The following TBC1D9B variants were observed in gnomAD, a reference collection of about 807,000 sequenced individuals.
TBC1D9B encodes the protein TBC1 domain family member 9B.
In TBC1D9B, 87 loss-of-function variants were observed where a neutral mutation model predicts 121.1. That is an observed-to-expected ratio of 0.72 (90% CI 0.60 to 0.86). The LOEUF is 0.86. Ranked by LOEUF, TBC1D9B falls within the 40% of genes least tolerant of loss-of-function variation. The probability of loss-of-function intolerance (pLI) is 0.00; values close to 1 mark genes in which losing one functional copy is unlikely to be tolerated. For synonymous variants in TBC1D9B, 668 were observed against 670.1 expected, an observed-to-expected ratio of 1.00 and a Z score of 0.05; for missense variants, 1,540 against 1,628.6, an observed-to-expected ratio of 0.95 and a Z score of 0.94.
intron 5 of TBC1D9B, among the ~76,000 whole-genome samples, chr5:179,892,348 T>C (rs1437122106): frequency 6.6e-6 from 1 of 152,188 alleles, no homozygotes; most frequent in East Asian, 1.9e-4. Context: ...GTCCTGGAGG[T>C]GGACCCCAGA....
Position 179,907,522 on chromosome 5 carries a change from G to A in TBC1D9B, c.118+182C>T, listed in dbSNP as rs1406637699. ...GCCAGCCCCTCGCCTCCCCGCCCCG[G>A]CCCCTCCGCGCCCGGCTCCCGGGTC... On this transcript the variant is annotated intron_variant, in intron 1 of 20. Coordinates refer to ENST00000355235, the MANE Select transcript of TBC1D9B (RefSeq NM_015043.4). The surrounding 1 kb of genome is among the most constrained non-coding windows in gnomAD (Gnocchi z 5.3). 6.7e-6 allele frequency among the ~76,000 whole-genome samples: 1 copy of A among 149,802 alleles called. No homozygotes were observed. The highest frequency in any genetic ancestry group is 1.5e-5 in the Non-Finnish European group (1 of 67,274).
rs377386793 is a variant in TBC1D9B, at chr5:179,875,162, G to A, written c.1926C>T (p.Phe642=). The A allele has an allele frequency of 3.8e-5, 61 of 1,613,436 alleles. No homozygotes were observed. Among genetic ancestry groups the A allele is most frequent in the Non-Finnish European group, 4.7e-5 (56 of 1,180,028 alleles). The change falls in exon 12 of 21, where the codon TTC becomes TTT. Residue 642 remains phenylalanine, a synonymous_variant. Coordinates refer to ENST00000355235, the MANE Select transcript of TBC1D9B (RefSeq NM_015043.4). The surrounding 1 kb of genome is among the most constrained non-coding windows in gnomAD (Gnocchi z 4.5). ...VVGALVDQGI[F]EELTRDFLPQ... is the part of the protein sequence containing the mutation. ...GCAGGAAGTCTCTCGTGAGCTCTTC[G>A]AAGATGCCTTGGTCCACCAGGGCTC...
intron 18 of TBC1D9B, 171 bp downstream of exon 18, chr5:179,867,607 C>CA (rs1248910377): frequency 3.8e-5 from 56 of 1,484,532 alleles, no homozygotes; most frequent in Non-Finnish European, 5.2e-5. Flanking sequence ...GGGGCGGCCC[C>CA]AGCCCCCGCC....
rs989441048 is a variant in TBC1D9B, at chr5:179,875,905, C to T, written c.1900+15G>A. On this transcript the variant is annotated intron_variant, in intron 11 of 20. Coordinates refer to ENST00000355235, the MANE Select transcript of TBC1D9B (RefSeq NM_015043.4). This position sits in a 1 kb window ranked among gnomAD's most constrained non-coding sequence, Gnocchi z 4.5. ...ACCTGGAGACCCAGGCGAGGCAGCA[C>T]CCGGGGACACTCACCCACCACCCTG... 23 of 1,592,752 alleles carry T rather than the reference C, an allele frequency of 1.4e-5. No individual in the cohort carries two copies. The highest frequency in any genetic ancestry group is 2.0e-5 in the Non-Finnish European group (23 of 1,170,278).
chr5:179,869,526 G>A lies in TBC1D9B; in HGVS notation c.2791+243C>T, dbSNP rs923981555. 2.4e-5 allele frequency: 16 copies of A among 666,466 alleles called. No individual in the cohort carries two copies. The Admixed American group carries it at 2.7e-4, about 11-fold the overall frequency. 41.3% of individuals were successfully genotyped at this position (666,466 alleles called of 1,614,324 possible). On this transcript the variant is annotated intron_variant, in intron 17 of 20. Transcript: ENST00000355235. ...CAGCTGCCTCCTCGGTGGGAGTTCT[G>A]TACCCAGCAGTGCCCGGTCACCCAT...
In TBC1D9B at chr5:179,878,494, CG is replaced by C; in HGVS notation, c.1596del (p.Tyr534ThrfsTer47). On this transcript the variant is annotated frameshift_variant, in exon 10 of 21. Transcript: ENST00000355235. LOFTEE classifies it high-confidence loss of function. Reference protein sequence around the residue: ...SGAWNEMVTHPGYYAELVEKS... With the variant: ...SGAWNEMVTHXGYYAELVEKS... ...TTCTCCACCAGCTCAGCATAGTACC[CG>C]GGGTGAGTCACCATCTCATTCCAGG... 6.2e-7 allele frequency: 1 copy of C among 1,609,174 alleles called. No individual in the cohort carries two copies.
In TBC1D9B at chr5:179,892,560, G is replaced by T. The variant is rs992874891; in HGVS notation, c.836+649C>A. Among the ~76,000 whole-genome samples the T allele has an allele frequency of 9.2e-5, 14 of 152,348 alleles. No homozygotes were observed. The South Asian group carries it at 2.3e-3, about 25-fold the overall frequency. On this transcript the variant is annotated intron_variant, in intron 5 of 20. Transcript: ENST00000355235. ...AACGTTAAGTAGCCCGGGAGGGCTG[G>T]CTGCTATGATGTGTTCCTGCCTATC...
chr5:179,900,900 C>A (rs1298643827), intron 2 of TBC1D9B, among the ~76,000 whole-genome samples: 1 of 152,196 alleles, frequency 6.6e-6, no homozygotes, highest in Non-Finnish European at 1.5e-5. Flanking sequence ...CACCTTCCTT[C>A]CCTCCCTGAC....
Position 179,904,778 on chromosome 5 carries a change from G to C in TBC1D9B, c.153C>G (p.Asp51Glu). The C allele has an allele frequency of 6.4e-7, 1 of 1,574,082 alleles. No homozygotes were observed. The change falls in exon 2 of 21, where the codon GAC (aspartate) becomes GAG (glutamate). Residue 51 changes from aspartate (D) to glutamate (E), a missense_variant. Physicochemically the swap from Asp to Glu is conservative, Grantham distance 45 (BLOSUM62 2). Coordinates refer to ENST00000355235, the MANE Select transcript of TBC1D9B (RefSeq NM_015043.4). The surrounding 1 kb of genome is among the most constrained non-coding windows in gnomAD (Gnocchi z 4.2). ...LLVGTLDVVL[D>E]SSARVAPYRI... ...GGTAAGGGGCCACGCGGGCACTGGAGTCCAGCACCACGTCCAGGGTGCCCA... is the reference window on the plus strand; with the variant it reads ...GGTAAGGGGCCACGCGGGCACTGGACTCCAGCACCACGTCCAGGGTGCCCA...
Position 179,863,321 on chromosome 5 carries a change from A to T in TBC1D9B, c.*127T>A. The T allele has an allele frequency of 8.9e-7, 1 of 1,129,034 alleles. No homozygotes were observed. The highest frequency in any genetic ancestry group is 1.6e-5 in the South Asian group (1 of 62,348). 69.9% of individuals were successfully genotyped at this position (1,129,034 alleles called of 1,614,324 possible). ...TGCACCAGCCTTCTTTCCACTCACA[A>T]CTCACTGCTCCTGGGAGAGCAGGAG... is the stretch of plus-strand genomic sequence containing the variant. On this transcript the variant is annotated 3_prime_UTR_variant, in exon 21 of 21. Coordinates refer to ENST00000355235, the MANE Select transcript of TBC1D9B (RefSeq NM_015043.4). This position sits in a 1 kb window ranked among gnomAD's most constrained non-coding sequence, Gnocchi z 4.5.
At position 179,894,392 on chromosome 5, in the gene TBC1D9B, T is replaced by C. The variant is rs1582099970; in HGVS notation, c.571A>G (p.Lys191Glu). ...HLCFYSFLLG[K>E]EVSLVVQWVD... The stretch of plus-strand genomic sequence containing the variant: ...CACTGAGGGGCGGGCTCACCTTCCT[T>C]CCCCAGCAGGAAGGAGTAGAAGCAC... The change falls in exon 4 of 21, where the codon AAG becomes GAG. Residue 191 changes from lysine to glutamate, a missense_variant. Lys to Glu is a moderately conservative substitution (Grantham distance 56, BLOSUM62 1). Transcript: ENST00000355235. 1.9e-6 allele frequency: 3 copies of C among 1,612,194 alleles called. No individual in the cohort carries two copies. Among genetic ancestry groups the C allele is most frequent in the Non-Finnish European group, 2.5e-6 (3 of 1,179,212 alleles).
rs1268818326 is a variant in TBC1D9B at position 179,907,807 on chromosome 5, C to T, written c.15G>A (p.Pro5=). ...GCGCATTGGCCACCAGCACCTCCTC[C>T]GGGCTCAGCCACATCGCGGAGCCGC... MWLS[P]EEVLVANALW... is the part of the protein sequence containing the mutation. Residue 5 remains proline (P), a synonymous_variant, in exon 1 of 21, where the codon CCG becomes CCA. Coordinates refer to ENST00000355235, the MANE Select transcript of TBC1D9B (RefSeq NM_015043.4). The surrounding 1 kb of genome is among the most constrained non-coding windows in gnomAD (Gnocchi z 5.3). The T allele has an allele frequency of 2.5e-6, 3 of 1,196,096 alleles. No individual in the cohort carries two copies. The highest frequency in any genetic ancestry group is 6.0e-5 in the Admixed American group (2 of 33,600). The allele number at this position is 1,196,096 out of a possible 1,614,324, so 74.1% of individuals were successfully genotyped here. A position where few individuals can be genotyped will look rare whatever the true frequency, so the allele number is the denominator to read the frequency against.
rs756063832 is a variant in TBC1D9B, at chr5:179,878,544, G to C, written c.1568-21C>G. ...GGCCCCTGGGGAGACACGGGTGCCA[G>C]CTGTCTCTGTCCTTCTTCTGGTACT... On this transcript the variant is annotated intron_variant, in intron 9 of 20. Coordinates refer to ENST00000355235, the MANE Select transcript of TBC1D9B (RefSeq NM_015043.4). The C allele has an allele frequency of 3.8e-6, 6 of 1,575,090 alleles. No homozygotes were observed. The South Asian group carries it at 5.8e-5, about 15-fold the overall frequency.
chr5:179,878,681 G>A (rs1046015919), intron 9 of TBC1D9B, among the ~76,000 whole-genome samples, 158 bp from the exon 10 acceptor site: 3 of 152,216 alleles, frequency 2.0e-5, no homozygotes, highest in Non-Finnish European at 4.4e-5. Context: ...CTCCTGGGGA[G>A]GGTGCTCTAC....
intron 4 of TBC1D9B, 128 bp downstream of exon 4, chr5:179,894,258 C>T: frequency 1.1e-6 from 1 of 887,742 alleles, no homozygotes; most frequent in Non-Finnish European, 1.7e-6. Flanking sequence ...CCATCTTGGG[C>T]CGCTAAGGTG....
rs1761186370 is a variant in TBC1D9B at position 179,902,290 on chromosome 5, C to T, written c.229+2412G>A. On this transcript the variant is annotated intron_variant, in intron 2 of 20. Transcript: ENST00000355235. This position sits in a 1 kb window ranked among gnomAD's most constrained non-coding sequence, Gnocchi z 4.9. ...AGCAGCCAGGAGGGGTGTGGCTCCT[C>T]CAGGCCCTGCAGCTGTGTGGTCCGG... Among the ~76,000 whole-genome samples the T allele has an allele frequency of 6.6e-6, 1 of 152,228 alleles. No homozygotes were observed. Among genetic ancestry groups the T allele is most frequent in the South Asian group, 2.1e-4 (1 of 4,836 alleles).
In TBC1D9B at chr5:179,888,151, T is replaced by C; in HGVS notation, c.1206A>G (p.Pro402=). 6.2e-7 allele frequency: 1 copy of C among 1,613,868 alleles called. No individual in the cohort carries two copies. The highest frequency in any genetic ancestry group is 8.5e-7 in the Non-Finnish European group (1 of 1,179,944). ...TGGCTTTCCTGCTCCCGATACTGCC[T>C]GGCTGCTTGGATGGTGTTTTCTGGA... ...DFLQKTPSKQ[P]GSIGSRKASV... The change falls in exon 7 of 21, where the codon CCA becomes CCG. Residue 402 remains proline (P), a synonymous_variant. Transcript: ENST00000355235.
At position 179,893,357 on chromosome 5, in the gene TBC1D9B, TGGA is replaced by T; in HGVS notation, c.685_687del (p.Ser229del). On this transcript the variant is annotated inframe_deletion, in exon 5 of 21. Coordinates refer to ENST00000355235, the MANE Select transcript of TBC1D9B (RefSeq NM_015043.4). ...AAGGTCTCGCCGATGTTGAGGAACATGGAGAAGAAGAGCTCCTGGTCGCGGGTG... is the reference window on the plus strand; with the variant it reads ...AAGGTCTCGCCGATGTTGAGGAACATGAAGAAGAGCTCCTGGTCGCGGGTG... 1 of 1,614,060 alleles carries T rather than the reference TGGA, an allele frequency of 6.2e-7. No homozygotes were observed. Among genetic ancestry groups the T allele is most frequent in the Non-Finnish European group, 8.5e-7 (1 of 1,180,004 alleles).
intron 3 of TBC1D9B, among the ~76,000 whole-genome samples, chr5:179,898,595 C>T (rs1190679618): frequency 2.6e-5 from 4 of 152,000 alleles, no homozygotes; most frequent in Non-Finnish European, 4.4e-5. Flanking sequence ...ATTACAGGCG[C>T]GTGCCACCAT....
Sources: gnomAD v4.1 joint callset for allele counts (sites outside exome capture counted in the v4.1 genomes callset) on GRCh38, gnomAD v4.1.1 for gene constraint, Gnocchi (gnomAD v3.1) non-coding constraint, MANE v1.5 for transcripts, NCBI Gene and HGNC (gene_info 2026-07-23, HGNC 2026-07-21) for gene names.